Variants in SPMIP4 observed in about 807,000 individuals in gnomAD.
SPMIP4 encodes the protein sperm-associated microtubule inner protein 4.
chr7:25,146,847 TCTTATCAA>T, the SPMIP4 span, among the ~76,000 whole-genome samples: 91,236 of 151,932 alleles, frequency 0.6, 28,491 homozygotes, highest in Non-Finnish European at 0.69. Context: ...TTATATCTCA[TCTTATCAA>T]AAAATGATTA....
At chr7:25,151,425 G>A in the SPMIP4 span, among the ~76,000 whole-genome samples, 90,431 of 151,736 alleles carry the variant, frequency 0.6, 28,222 homozygotes, top group Non-Finnish European at 0.69. Flanking sequence ...GTTTCACCAT[G>A]TTGGTCAGGC....
chr7:25,135,818 C>G, the SPMIP4 span: 1 of 1,369,332 alleles, frequency 7.3e-7, no homozygotes, highest in South Asian at 2.1e-5. Flanking sequence ...GTTCCTCCAA[C>G]CAGATACTAA....
the SPMIP4 span, chr7:25,154,957 A>G: frequency 6.7e-7 from 1 of 1,500,144 alleles, no homozygotes; most frequent in Non-Finnish European, 9.1e-7. Context: ...TTTATTATTG[A>G]AGAAATCCCA....
the SPMIP4 span, chr7:25,155,171 T>G: frequency 6.4e-7 from 1 of 1,557,370 alleles, no homozygotes; most frequent in Non-Finnish European, 8.7e-7. Context: ...GGTGTTCAAT[T>G]GGATATGGCA....
the SPMIP4 span, among the ~76,000 whole-genome samples, chr7:25,165,091 C>T: frequency 6.6e-6 from 1 of 152,108 alleles, no homozygotes; most frequent in Admixed American, 6.5e-5. Context: ...CATGTGTGTA[C>T]AAGTGTCTTT....
At chr7:25,144,427 G>A in the SPMIP4 span, among the ~76,000 whole-genome samples, 9 of 152,070 alleles carry the variant, frequency 5.9e-5, no homozygotes, top group African/African-American at 2.2e-4. Context: ...TTCTTTACCC[G>A]CCCCATTTAC....
At chr7:25,129,996 G>A in the SPMIP4 span, among the ~76,000 whole-genome samples, 3 of 152,002 alleles carry the variant, frequency 2.0e-5, no homozygotes, top group African/African-American at 7.2e-5. Flanking sequence ...CCAACACTTT[G>A]GGAGGCCGAG....
the SPMIP4 span, among the ~76,000 whole-genome samples, chr7:25,144,405 C>G: frequency 6.6e-6 from 1 of 152,218 alleles, no homozygotes; most frequent in Admixed American, 6.5e-5. Context: ...CCTCAGCACC[C>G]TGACTGCTTT....
At chr7:25,166,230 C>CCTTT in the SPMIP4 span, among the ~76,000 whole-genome samples, 1 of 69,230 alleles carries the variant, frequency 1.4e-5, no homozygotes, top group Non-Finnish European at 4.0e-5. Flanking sequence ...TTCTTTCCGT[C>CCTTT]TTCTTTTTTT....
the SPMIP4 span, among the ~76,000 whole-genome samples, chr7:25,139,687 A>T: frequency 7.9e-5 from 12 of 152,208 alleles, no homozygotes; most frequent in African/African-American, 2.9e-4. Context: ...TGTGATGAAA[A>T]AACTTCAGCT....
the SPMIP4 span, among the ~76,000 whole-genome samples, chr7:25,176,896 G>A: frequency 6.6e-6 from 1 of 152,228 alleles, no homozygotes; most frequent in South Asian, 2.1e-4. The surrounding 1 kb of genome is among the most constrained non-coding windows in gnomAD (Gnocchi z 4.4). Flanking sequence ...TCGAGATGGT[G>A]AAAGGCTAAG....
the SPMIP4 span, among the ~76,000 whole-genome samples, chr7:25,150,457 T>C: frequency 3.3e-5 from 5 of 152,226 alleles, no homozygotes; most frequent in East Asian, 7.7e-4. Context: ...CTCTGTGACA[T>C]GGCGATGACC....
the SPMIP4 span, chr7:25,142,190 G>A: frequency 7.4e-7 from 1 of 1,343,910 alleles, no homozygotes; most frequent in Non-Finnish European, 1.1e-6. Context: ...AAGCAAGAAG[G>A]AGCCCAGCAC....
At chr7:25,166,386 G>C in the SPMIP4 span, among the ~76,000 whole-genome samples, 5 of 152,048 alleles carry the variant, frequency 3.3e-5, no homozygotes, top group African/African-American at 1.2e-4. Context: ...AGGAGATCGA[G>C]ACCATCCTGG....
At chr7:25,170,243 G>A in the SPMIP4 span, among the ~76,000 whole-genome samples, 1 of 152,142 alleles carries the variant, frequency 6.6e-6, no homozygotes, top group African/African-American at 2.4e-5. Context: ...CCATTCTAGT[G>A]GATGTGAAGT....
chr7:25,134,407 T>C, the SPMIP4 span, among the ~76,000 whole-genome samples: 2 of 150,934 alleles, frequency 1.3e-5, no homozygotes, highest in African/African-American at 2.4e-5. Flanking sequence ...ATTGAGCTTT[T>C]TGATGAGCAT....
the SPMIP4 span, among the ~76,000 whole-genome samples, chr7:25,178,303 T>C: frequency 3.3e-5 from 5 of 152,248 alleles, no homozygotes; most frequent in African/African-American, 1.2e-4. Flanking sequence ...GAACAACTTA[T>C]ATTCCTTTGA....
the SPMIP4 span, among the ~76,000 whole-genome samples, chr7:25,175,304 T>A: frequency 2.9e-3 from 436 of 152,224 alleles, 5 homozygotes; most frequent in African/African-American, 9.9e-3. Flanking sequence ...TGTTGCCCAG[T>A]CTGGAGTGCT....
the SPMIP4 span, among the ~76,000 whole-genome samples, chr7:25,129,974 A>G: frequency 6.6e-6 from 1 of 152,198 alleles, no homozygotes; most frequent in African/African-American, 2.4e-5. Flanking sequence ...GTGGTGGCTC[A>G]TGCCTGTAAT....
Sources: allele counts gnomAD v4.1 joint callset (sites outside exome capture counted in the v4.1 genomes callset), GRCh38; gene constraint gnomAD v4.1.1; non-coding constraint Gnocchi (gnomAD v3.1); transcripts MANE v1.5; gene names NCBI Gene and HGNC (gene_info 2026-07-23, HGNC 2026-07-21).